The following KYAT1 variants were observed in gnomAD, a reference collection of about 807,000 sequenced individuals.
KYAT1 encodes kynurenine--oxoglutarate transaminase 1.
KYAT1 carries 47 observed loss-of-function variants against 52.4 expected under a neutral mutation model. That is an observed-to-expected ratio of 0.90 (90% CI 0.71 to 1.14). The LOEUF is 1.14. Among genes scored for constraint, KYAT1 ranks in the 50% most tolerant of loss-of-function variants. The probability of loss-of-function intolerance (pLI) is 0.00; values close to 1 mark genes in which losing one functional copy is unlikely to be tolerated. For synonymous variants in KYAT1, 212 were observed against 209.6 expected (o/e 1.01, Z -0.10); for missense variants, 480 against 557.9 (o/e 0.86, Z 1.41).
chr9:128,861,393 C>T (rs993671594), intron 1 of KYAT1, among the ~76,000 whole-genome samples: 4 of 152,148 alleles, frequency 2.6e-5, no homozygotes, highest in Admixed American at 1.3e-4. Flanking sequence ...TCTCTCCTGC[C>T]GCCATGTGAA....
rs778025550 is a variant in KYAT1 at position 128,838,302 on chromosome 9, G to A, written c.267C>T (p.Asp89=). ...FFGELLGQEI[D]PLRNVLVTVG... ...CAGTCACCAGCACATTCCTGAGCGG[G>A]TCTATCTCCTGACCCAGCAGCTCCC... The change falls in exon 4 of 13, where the codon GAC becomes GAT. Residue 89 remains aspartate (D), a synonymous_variant. Coordinates refer to ENST00000302586, the MANE Select transcript of KYAT1 (RefSeq NM_004059.5). 6.2e-7 allele frequency: 1 copy of A among 1,614,188 alleles called. No individual in the cohort carries two copies. Among genetic ancestry groups the A allele is most frequent in the Admixed American group, 1.7e-5 (1 of 60,014 alleles).
intron 1 of KYAT1, among the ~76,000 whole-genome samples, chr9:128,879,811 C>T (rs1256922214): frequency 6.6e-6 from 1 of 152,220 alleles, no homozygotes; most frequent in East Asian, 1.9e-4. Flanking sequence ...GGCTTCCGCC[C>T]TCAAAGTACT....
intron 1 of KYAT1, among the ~76,000 whole-genome samples, chr9:128,855,177 T>C (rs900787977): frequency 6.6e-6 from 1 of 152,162 alleles, no homozygotes; most frequent in African/African-American, 2.4e-5. Context: ...GGAACTATTA[T>C]AGACTGGGCC....
At chr9:128,851,118 C>T (rs894391838) in intron 1 of KYAT1, among the ~76,000 whole-genome samples, 11 of 152,102 alleles carry the variant, frequency 7.2e-5, no homozygotes, top group South Asian at 2.1e-4. Context: ...TGCTGCATGC[C>T]GGTCTCCTGG....
intron 1 of KYAT1, among the ~76,000 whole-genome samples, chr9:128,858,883 C>G (rs1027826391): frequency 9.3e-5 from 14 of 150,866 alleles, no homozygotes; most frequent in African/African-American, 3.2e-4. Flanking sequence ...TGGCTCATAC[C>G]TGTAATCCCA....
At position 128,835,670 on chromosome 9, in the gene KYAT1, G is replaced by A. The variant is rs1350647585; in HGVS notation, c.856-3C>T. ...TCAAAGCTCTCGGCTACTGCAGCCT[G>A]GGCAGGGCAGATGGACACACAGATA... On this transcript the variant is annotated splice_polypyrimidine_tract_variant and splice_region_variant and intron_variant, in intron 9 of 12. Coordinates refer to ENST00000302586, the MANE Select transcript of KYAT1 (RefSeq NM_004059.5). The A allele has an allele frequency of 6.2e-7, 1 of 1,609,032 alleles. No individual in the cohort carries two copies. Among genetic ancestry groups the A allele is most frequent in the Admixed American group, 1.7e-5 (1 of 59,928 alleles).
chr9:128,837,944 A>G (rs2118994145), intron 5 of KYAT1, 107 bp downstream of exon 5: 3 of 1,491,374 alleles, frequency 2.0e-6, no homozygotes, highest in Non-Finnish European at 2.8e-6. Flanking sequence ...CCCAGCTTAG[A>G]GGAACTGGCT....
chr9:128,865,085 G>T (rs1836020223), intron 1 of KYAT1, among the ~76,000 whole-genome samples: 1 of 149,244 alleles, frequency 6.7e-6, no homozygotes, highest in Non-Finnish European at 1.5e-5. Context: ...AATTATCTGG[G>T]AGTGGTGGTG....
At chr9:128,880,793 C>T (rs1218283590) in intron 1 of KYAT1, among the ~76,000 whole-genome samples, 1 of 152,034 alleles carries the variant, frequency 6.6e-6, no homozygotes, top group African/African-American at 2.4e-5. Flanking sequence ...CTTTTCTCTT[C>T]TATTAAAAGG....
rs1399539694 is a variant in KYAT1, at chr9:128,836,932, C to T, written c.568-10G>A. The T allele has an allele frequency of 6.2e-7, 1 of 1,609,588 alleles. No homozygotes were observed. The highest frequency in any genetic ancestry group is 1.1e-5 in the South Asian group (1 of 90,808). On this transcript the variant is annotated splice_polypyrimidine_tract_variant and intron_variant, in intron 6 of 12. Transcript: ENST00000302586. Reference sequence around the variant, plus strand: ...CTTCCCTGGAGAACACCTGCAGATGCCCAAGGAGAGCACAGACCTGCAGCT... The same window carrying T: ...CTTCCCTGGAGAACACCTGCAGATGTCCAAGGAGAGCACAGACCTGCAGCT...
chr9:128,857,761 G>T (rs981204929), intron 1 of KYAT1, among the ~76,000 whole-genome samples: 1 of 152,138 alleles, frequency 6.6e-6, no homozygotes, highest in East Asian at 1.9e-4. Context: ...GCGTGAACCC[G>T]GGAGGCGGAG....
intron 1 of KYAT1, among the ~76,000 whole-genome samples, chr9:128,851,358 C>T (rs2805098): frequency 0.55 from 83,913 of 152,026 alleles, 27,902 homozygotes; most frequent in Non-Finnish European, 0.71. Context: ...TATGCTTGTG[C>T]GCTCGGAGGA....
At chr9:128,846,045 C>T (rs999046776) in intron 1 of KYAT1, among the ~76,000 whole-genome samples, 12 of 152,220 alleles carry the variant, frequency 7.9e-5, no homozygotes, top group African/African-American at 2.2e-4. Flanking sequence ...ATCCGCTCCT[C>T]GGAGGGTCCC....
intron 1 of KYAT1, among the ~76,000 whole-genome samples, chr9:128,863,011 T>C (rs755132460): frequency 6.6e-6 from 1 of 151,770 alleles, no homozygotes. Flanking sequence ...GTGTCTTTAG[T>C]AGAGATGGGG....
intron 7 of KYAT1, among the ~76,000 whole-genome samples, chr9:128,836,486 A>G (rs1183412522): frequency 6.6e-6 from 1 of 152,008 alleles, no homozygotes; most frequent in African/African-American, 2.4e-5. Flanking sequence ...TTTAGTACAG[A>G]CAGGGTTTCA....
At chr9:128,836,729 C>T (rs2759009) in intron 7 of KYAT1, 73 bp downstream of exon 7, 1,054,986 of 1,554,030 alleles carry the variant, frequency 0.68, 367,538 homozygotes, top group Admixed American at 0.74. Context: ...ACCAGGCCTG[C>T]GCTGACTCTC....
At chr9:128,850,499 G>A (rs777674321) in intron 1 of KYAT1, among the ~76,000 whole-genome samples, 17 of 152,136 alleles carry the variant, frequency 1.1e-4, no homozygotes, top group Non-Finnish European at 1.6e-4. Flanking sequence ...AAAAGTCATC[G>A]CCATTCTCTA....
At position 128,862,972 on chromosome 9, in the gene KYAT1, G is replaced by A. The variant is rs146465820; in HGVS notation, c.-6-17561C>T. 4.7e-3 allele frequency among the ~76,000 whole-genome samples: 715 copies of A among 152,070 alleles called. 14 individuals carry two copies. Among genetic ancestry groups the A allele is most frequent in the East Asian group, 0.041 (212 of 5,154 alleles). On this transcript the variant is annotated intron_variant, in intron 1 of 12. Coordinates refer to ENST00000302586, the MANE Select transcript of KYAT1 (RefSeq NM_004059.5). ...CCCGAGTGGCTGGGATTACAGACGC[G>A]CGCTACCATGCCCGGCTAATTTTTT...
At chr9:128,837,836 G>A in intron 5 of KYAT1, 23 bp from the exon 6 acceptor site, 9 of 1,613,350 alleles carry the variant, frequency 5.6e-6, no homozygotes, top group Non-Finnish European at 7.6e-6. Context: ...GTGGCATGGG[G>A]TGGTACCACT....
Sources: allele counts gnomAD v4.1 joint callset (sites outside exome capture counted in the v4.1 genomes callset), GRCh38; gene constraint gnomAD v4.1.1; transcripts MANE v1.5; gene names NCBI Gene and HGNC (gene_info 2026-07-23, HGNC 2026-07-21).